The following SCFD2 variants were observed in gnomAD, a reference collection of about 807,000 sequenced individuals.
The protein encoded by SCFD2 is sec1 family domain containing 2.
In SCFD2, 54 loss-of-function variants were observed where a neutral mutation model predicts 58.9. The ratio of observed to expected loss-of-function variants is 0.92; its 90% CI spans 0.74 to 1.15. The LOEUF is 1.15. SCFD2 is among the 50% of genes most tolerant of loss of function. The pLI is 0.00. For synonymous variants in SCFD2, 321 were observed against 335.9 expected (o/e 0.96, Z 0.49); for missense variants, 805 against 836.6 (o/e 0.96, Z 0.47).
intron 4 of SCFD2, among the ~76,000 whole-genome samples, chr4:53,233,596 C>T (rs546115487): frequency 1.3e-5 from 2 of 152,252 alleles, no homozygotes; most frequent in Admixed American, 6.5e-5. Flanking sequence ...TTTACATAGC[C>T]TATATATTCG....
chr4:53,126,056 C>A (rs1725617814), intron 5 of SCFD2, among the ~76,000 whole-genome samples: 3 of 152,116 alleles, frequency 2.0e-5, no homozygotes, highest in African/African-American at 7.2e-5. Context: ...AAGGGAAAAC[C>A]AGAGAGTTGA....
chr4:52,979,238 C>T lies in SCFD2; in HGVS notation c.1562-58368G>A, dbSNP rs114949076. ...CAGATGGGTGTGAATAATACACCAG[C>T]GGTGCAGGTTTTCTAGGGGCTGATG... is the stretch of plus-strand genomic sequence containing the variant. On this transcript the variant is annotated intron_variant, in intron 5 of 8. Transcript: ENST00000401642. Among the ~76,000 whole-genome samples the T allele has an allele frequency of 7.8e-3, 1,180 of 152,160 alleles. 15 individuals carry two copies. Among genetic ancestry groups the T allele is most frequent in the African/African-American group, 0.025 (1,024 of 41,514 alleles).
chr4:53,278,367 A>G (rs1300313123), intron 3 of SCFD2, among the ~76,000 whole-genome samples: 6 of 148,780 alleles, frequency 4.0e-5, no homozygotes, highest in South Asian at 2.2e-4. Context: ...TTAAAAAAAA[A>G]AAAAAAGAAA....
chr4:53,310,307 CTAATA>C (rs1235407281), intron 3 of SCFD2, among the ~76,000 whole-genome samples: 4 of 152,256 alleles, frequency 2.6e-5, no homozygotes, highest in East Asian at 1.9e-4. Context: ...TACTTTGGCT[CTAATA>C]TAATAGAATA....
At chr4:53,073,802 G>T (rs1440233029) in intron 5 of SCFD2, among the ~76,000 whole-genome samples, 1 of 152,056 alleles carries the variant, frequency 6.6e-6, no homozygotes, top group African/African-American at 2.4e-5. Flanking sequence ...ATAGAATTAT[G>T]TCTAAAAACA....
chr4:52,943,641 C>T (rs963833823), intron 5 of SCFD2, among the ~76,000 whole-genome samples: 3 of 152,136 alleles, frequency 2.0e-5, no homozygotes, highest in Non-Finnish European at 4.4e-5. Flanking sequence ...GGCACTTAAT[C>T]CTCATTCATA....
Position 52,898,673 on chromosome 4 carries a change from T to A in SCFD2, c.1842+8784A>T, listed in dbSNP as rs926614337. Reference sequence around the variant, plus strand: ...TTCTGTAGGTGTCTATTAGGTCTGCTTGGTGCAGAGCTGAGTTCAATTCCT... The same window carrying A: ...TTCTGTAGGTGTCTATTAGGTCTGCATGGTGCAGAGCTGAGTTCAATTCCT... On this transcript the variant is annotated intron_variant, in intron 7 of 8. Transcript: ENST00000401642. 3.9e-5 allele frequency among the ~76,000 whole-genome samples: 6 copies of A among 152,340 alleles called. No homozygotes were observed. In the South Asian group the frequency reaches 1.2e-3, roughly 32 times the overall value.
chr4:53,258,121 C>G (rs891044910), intron 4 of SCFD2, among the ~76,000 whole-genome samples: 1 of 152,180 alleles, frequency 6.6e-6, no homozygotes, highest in Non-Finnish European at 1.5e-5. Context: ...TCCAGCCCAT[C>G]TTCCTGACTG....
chr4:52,912,286 A>C (rs1461448425), intron 6 of SCFD2, among the ~76,000 whole-genome samples: 1 of 152,190 alleles, frequency 6.6e-6, no homozygotes, highest in African/African-American at 2.4e-5. Context: ...ACTCTGGTTT[A>C]ATATTTTATC....
intron 4 of SCFD2, among the ~76,000 whole-genome samples, chr4:53,156,056 C>G (rs1374182067): frequency 6.6e-6 from 1 of 152,168 alleles, no homozygotes; most frequent in Non-Finnish European, 1.5e-5. Flanking sequence ...TATATACTCA[C>G]AGCTGAATTT....
rs1221989036 is a variant in SCFD2, at chr4:53,249,729, A to G, written c.1311+24097T>C. On this transcript the variant is annotated intron_variant, in intron 4 of 8. Transcript: ENST00000401642. ...TAACCTTCATAAGAGAAGGAGAAAT[A>G]AAATACAGACAAGCAAATGCTGAGA... 2.0e-5 allele frequency among the ~76,000 whole-genome samples: 3 copies of G among 151,984 alleles called. No individual in the cohort carries two copies. The East Asian group carries it at 5.8e-4, about 29-fold the overall frequency.
At chr4:53,208,669 A>T (rs900328207) in intron 4 of SCFD2, among the ~76,000 whole-genome samples, 12 of 152,228 alleles carry the variant, frequency 7.9e-5, no homozygotes, top group Non-Finnish European at 1.3e-4. Flanking sequence ...AAAGCCATAT[A>T]CACCTCTCAT....
intron 5 of SCFD2, among the ~76,000 whole-genome samples, chr4:53,043,585 G>A (rs1404010972): frequency 1.3e-5 from 2 of 152,100 alleles, no homozygotes; most frequent in Non-Finnish European, 2.9e-5. Context: ...TCAGAGCAGT[G>A]GAAGGTGTTG....
chr4:53,047,849 G>A (rs1723081794), intron 5 of SCFD2, among the ~76,000 whole-genome samples: 1 of 152,128 alleles, frequency 6.6e-6, no homozygotes, highest in South Asian at 2.1e-4. Context: ...TAACCTTCTG[G>A]ACTTGAACTG....
chr4:53,213,815 C>G (rs896413526), intron 4 of SCFD2, among the ~76,000 whole-genome samples: 1 of 152,078 alleles, frequency 6.6e-6, no homozygotes, highest in Non-Finnish European at 1.5e-5. Flanking sequence ...CTCCCACCAC[C>G]CCACGACAGG....
At chr4:52,895,865 G>A (rs1224712758) in intron 7 of SCFD2, among the ~76,000 whole-genome samples, 1 of 152,202 alleles carries the variant, frequency 6.6e-6, no homozygotes, top group African/African-American at 2.4e-5. Flanking sequence ...TAACTGGTGT[G>A]AGATGATATC....
intron 5 of SCFD2, among the ~76,000 whole-genome samples, chr4:53,024,127 C>A (rs1560512953): frequency 6.6e-6 from 1 of 152,140 alleles, no homozygotes; most frequent in East Asian, 1.9e-4. Flanking sequence ...TCATTAAATT[C>A]TTGTGGCTGC....
rs939954550 is a variant in SCFD2, at chr4:53,109,631, A to C, written c.1561+35702T>G. Among the ~76,000 whole-genome samples the C allele has an allele frequency of 5.5e-4, 84 of 152,316 alleles. 1 individual carries two copies. Among genetic ancestry groups the C allele is most frequent in the Middle Eastern group, 3.4e-3 (1 of 294 alleles). On this transcript the variant is annotated intron_variant, in intron 5 of 8. Coordinates refer to ENST00000401642, the MANE Select transcript of SCFD2 (RefSeq NM_152540.4). ...ACTCCCATTCACAATTGCTACAAAG[A>C]GTATAAAATACCTAGGAATACAACT...
chr4:53,215,274 C>G (rs1351064662), intron 4 of SCFD2, among the ~76,000 whole-genome samples: 4 of 152,108 alleles, frequency 2.6e-5, no homozygotes, highest in African/African-American at 9.7e-5. Flanking sequence ...ATTGATTCTT[C>G]CTAGACATGA....
Sources: gnomAD v4.1 joint callset for allele counts (sites outside exome capture counted in the v4.1 genomes callset) on GRCh38, gnomAD v4.1.1 for gene constraint, MANE v1.5 for transcripts, NCBI Gene and HGNC (gene_info 2026-07-23, HGNC 2026-07-21) for gene names.